Variants in FAIM observed in about 807,000 individuals in gnomAD.
FAIM encodes fas apoptotic inhibitory molecule 1.
A neutral mutation model predicts 21.2 loss-of-function variants in FAIM; 14 were observed. The observed-to-expected ratio is 0.66, with a 90% CI of 0.44 to 1.03. The LOEUF (loss-of-function observed/expected upper bound fraction) is 1.03, where lower values mean the gene tolerates loss of function less well. FAIM is among the 50% of genes least tolerant of loss of function. FAIM has a pLI of 0.00. For synonymous variants in FAIM, 86 were observed against 80.4 expected, an observed-to-expected ratio of 1.07 and a Z score of -0.37; for missense variants, 222 against 247.1, an observed-to-expected ratio of 0.90 and a Z score of 0.68.
chr3:138,612,033 C>T (rs924295796), intron 1 of FAIM, among the ~76,000 whole-genome samples: 5 of 151,824 alleles, frequency 3.3e-5, no homozygotes, highest in African/African-American at 9.7e-5. Flanking sequence ...TCTGCCTCTA[C>T]GAATGTCCCT....
chr3:138,623,643 A>AC (rs2042910673), intron 4 of FAIM, among the ~76,000 whole-genome samples: 1 of 152,230 alleles, frequency 6.6e-6, no homozygotes, highest in Non-Finnish European at 1.5e-5. Flanking sequence ...TGCTGGGATT[A>AC]CAGGTGTGAG....
At chr3:138,626,852 A>T (rs1471072425) in intron 4 of FAIM, among the ~76,000 whole-genome samples, 2 of 152,240 alleles carry the variant, frequency 1.3e-5, no homozygotes, top group Non-Finnish European at 1.5e-5. Context: ...CCAGCAGAAC[A>T]TGTAGCCAAA....
rs993521427 is a variant in FAIM at position 138,633,189 on chromosome 3, TAA to T, written c.*114_*115del. The T allele has an allele frequency of 1.0e-6, 1 of 978,042 alleles. No homozygotes were observed. Among genetic ancestry groups the T allele is most frequent in the African/African-American group, 1.7e-5 (1 of 59,456 alleles). The allele number at this position is 978,042 out of a possible 1,614,324, so 60.6% of individuals were successfully genotyped here. A position where few individuals can be genotyped will look rare whatever the true frequency, so the allele number is the denominator to read the frequency against. On this transcript the variant is annotated 3_prime_UTR_variant, in exon 6 of 6. Transcript: ENST00000360570. ...TTTAGTCTGCAATGTTTTAATTTTTTAAAAAGTTACATGAAACTAACATTCCA... is the reference window on the plus strand; with the variant it reads ...TTTAGTCTGCAATGTTTTAATTTTTTAAAGTTACATGAAACTAACATTCCA...
chr3:138,628,990 T>C, intron 4 of FAIM, 117 bp from the exon 5 acceptor site: 1 of 689,688 alleles, frequency 1.4e-6, no homozygotes, highest in Non-Finnish European at 2.3e-6. Flanking sequence ...TTTGGAATAT[T>C]AATGGAGTTT....
At chr3:138,630,169 T>C (rs1442085449) in intron 5 of FAIM, 2 of 152,216 alleles carry the variant, frequency 1.3e-5, no homozygotes, top group South Asian at 2.1e-4. Context: ...GTTGCTTTTA[T>C]CTCATTTGTA....
chr3:138,624,014 TTGTGC>T (rs1207648765), intron 4 of FAIM, among the ~76,000 whole-genome samples: 1 of 152,208 alleles, frequency 6.6e-6, no homozygotes, highest in Non-Finnish European at 1.5e-5. Context: ...ATGAAAAGTT[TTGTGC>T]CAATCTGAAT....
chr3:138,612,202 G>A (rs1234855821), intron 1 of FAIM, among the ~76,000 whole-genome samples: 2 of 147,356 alleles, frequency 1.4e-5, no homozygotes, highest in Admixed American at 7.0e-5. Flanking sequence ...CCGGGTTCAC[G>A]CCATTCTCCT....
At chr3:138,615,503 A>C (rs1287111582) in intron 1 of FAIM, among the ~76,000 whole-genome samples, 2 of 152,246 alleles carry the variant, frequency 1.3e-5, no homozygotes, top group African/African-American at 4.8e-5. Flanking sequence ...CTGATGGGCC[A>C]AAGTATCTTA....
chr3:138,621,817 G>A (rs1448358967), intron 3 of FAIM, among the ~76,000 whole-genome samples: 1 of 151,054 alleles, frequency 6.6e-6, no homozygotes, highest in Admixed American at 6.6e-5. Flanking sequence ...GAGTCTCGCT[G>A]TGTCACCCAG....
chr3:138,626,822 A>G (rs971546566), intron 4 of FAIM, among the ~76,000 whole-genome samples: 1 of 152,130 alleles, frequency 6.6e-6, no homozygotes, highest in African/African-American at 2.4e-5. Context: ...TACCCCCGTT[A>G]GCTATTTTCC....
At chr3:138,619,625 C>G (rs778529285) in intron 1 of FAIM, 86 bp from the exon 2 acceptor site, 7 of 1,199,196 alleles carry the variant, frequency 5.8e-6, no homozygotes, top group East Asian at 4.8e-5. Flanking sequence ...TTAGAAAAAC[C>G]CTTTGTAGAT....
rs146881980 is a variant in FAIM, at chr3:138,619,937, G to C, written c.44+167G>C. Among the ~76,000 whole-genome samples, 50 of 152,344 alleles carry C rather than the reference G, an allele frequency of 3.3e-4. 1 individual carries two copies. In the East Asian group the frequency reaches 9.1e-3, roughly 28 times the overall value. On this transcript the variant is annotated intron_variant, in intron 2 of 5. Transcript: ENST00000360570. ...AAAGCAGGAGTAGTAAATACCTGGC[G>C]TGGAGGTAGCCACTAGAAACATGGC...
At chr3:138,614,613 T>A (rs946790626) in intron 1 of FAIM, among the ~76,000 whole-genome samples, 1 of 152,136 alleles carries the variant, frequency 6.6e-6, no homozygotes, top group African/African-American at 2.4e-5. Flanking sequence ...AGAGCATAGC[T>A]GCTGCAAATC....
intron 5 of FAIM, 161 bp downstream of exon 5, chr3:138,629,317 G>C (rs1249552280): frequency 1.9e-6 from 1 of 538,010 alleles, no homozygotes; most frequent in Non-Finnish European, 3.2e-6. Flanking sequence ...GAAAACCTTT[G>C]CCAGATGGTG....
intron 4 of FAIM, among the ~76,000 whole-genome samples, chr3:138,628,651 A>ATT (rs1235948151): frequency 3.3e-5 from 5 of 151,888 alleles, no homozygotes; most frequent in East Asian, 3.9e-4. Context: ...TGCCCGGCTA[A>ATT]TTATTGTATT....
intron 1 of FAIM, among the ~76,000 whole-genome samples, chr3:138,613,781 A>G (rs1209618752): frequency 1.3e-5 from 2 of 152,194 alleles, no homozygotes; most frequent in African/African-American, 4.8e-5. Context: ...CACCACACCC[A>G]GTCAGTTTTA....
intron 5 of FAIM, chr3:138,629,493 C>T (rs2108357489): frequency 5.5e-6 from 1 of 181,844 alleles, no homozygotes; most frequent in South Asian, 1.6e-4. Flanking sequence ...TTGTGTTGAT[C>T]CATTTGAAGT....
chr3:138,630,494 A>T (rs2042994365), intron 5 of FAIM: 1 of 152,138 alleles, frequency 6.6e-6, no homozygotes, highest in African/African-American at 2.4e-5. Flanking sequence ...AGTTACGAAG[A>T]TGAATGCTTT....
At chr3:138,612,152 G>T (rs1356283924) in intron 1 of FAIM, among the ~76,000 whole-genome samples, 1 of 145,238 alleles carries the variant, frequency 6.9e-6, no homozygotes, top group African/African-American at 2.6e-5. Flanking sequence ...CCAGGCTGGA[G>T]TGCAGTGGTG....
Sources: allele counts gnomAD v4.1 joint callset (sites outside exome capture counted in the v4.1 genomes callset), GRCh38; gene constraint gnomAD v4.1.1; transcripts MANE v1.5; gene names NCBI Gene and HGNC (gene_info 2026-07-23, HGNC 2026-07-21).